The following FAP variants were observed in gnomAD, a reference collection of about 807,000 sequenced individuals.
FAP encodes fibroblast activation protein alpha.
In FAP, 110 loss-of-function variants were observed where a neutral mutation model predicts 126.5. The ratio of observed to expected loss-of-function variants is 0.87; its 90% CI spans 0.74 to 1.02. The LOEUF (loss-of-function observed/expected upper bound fraction) is 1.02, where lower values mean the gene tolerates loss of function less well. Among genes scored for constraint, FAP ranks in the 50% least tolerant of loss-of-function variants. The pLI, the probability that FAP is intolerant of heterozygous loss-of-function variation, is 0.00. For synonymous variants in FAP, 334 were observed against 297.3 expected, an observed-to-expected ratio of 1.12 and a Z score of -1.27; for missense variants, 919 against 909.2, an observed-to-expected ratio of 1.01 and a Z score of -0.14.
chr2:162,239,260 C>T (rs1251937722), intron 2 of FAP, among the ~76,000 whole-genome samples: 2 of 151,958 alleles, frequency 1.3e-5, no homozygotes, highest in East Asian at 1.9e-4. Flanking sequence ...TGGTCTCAAA[C>T]TCCTGGGCTC....
chr2:162,181,857 T>C (rs1687704991), intron 21 of FAP, among the ~76,000 whole-genome samples: 3 of 152,222 alleles, frequency 2.0e-5, no homozygotes, highest in African/African-American at 4.8e-5. Context: ...TTAATAAGCA[T>C]CTTAAACCTG....
At chr2:162,211,006 G>T (rs1016679864) in intron 11 of FAP, among the ~76,000 whole-genome samples, 2 of 152,170 alleles carry the variant, frequency 1.3e-5, no homozygotes, top group Non-Finnish European at 2.9e-5. Flanking sequence ...ATAATCAGCA[G>T]ACCATTTCCT....
At chr2:162,225,048 C>T (rs1453347155) in intron 4 of FAP, among the ~76,000 whole-genome samples, 2 of 152,196 alleles carry the variant, frequency 1.3e-5, no homozygotes, top group East Asian at 1.9e-4. Context: ...TTAGGCACTG[C>T]CCTAAGCACT....
In FAP at chr2:162,202,977, G is replaced by C. The variant is rs746273580; in HGVS notation, c.1153-35C>G. ...GACAAACATTATGTTGTGTGAAACT[G>C]AGCGTTATTTGAGCAACCTCAAGTG... On this transcript the variant is annotated intron_variant, in intron 13 of 25. Transcript: ENST00000188790. 2.5e-6 allele frequency: 4 copies of C among 1,604,114 alleles called. No individual in the cohort carries two copies. In the South Asian group the frequency reaches 4.4e-5, roughly 18 times the overall value.
chr2:162,201,899 G>A (rs1219505316), intron 14 of FAP, among the ~76,000 whole-genome samples: 35 of 152,166 alleles, frequency 2.3e-4, no homozygotes, highest in Non-Finnish European at 2.9e-5. Flanking sequence ...CATCATGCCT[G>A]AAATGAATCT....
intron 20 of FAP, 24 bp from the exon 21 acceptor site, chr2:162,183,492 T>A: frequency 3.4e-6 from 5 of 1,454,010 alleles, no homozygotes; most frequent in Non-Finnish European, 4.8e-6. Flanking sequence ...AACAAATTTT[T>A]AGAATGTTAA....
At chr2:162,192,576 C>G (rs889414300) in intron 17 of FAP, among the ~76,000 whole-genome samples, 2 of 152,104 alleles carry the variant, frequency 1.3e-5, no homozygotes, top group Non-Finnish European at 2.9e-5. Flanking sequence ...TCATCCACTT[C>G]CAAGGCCTGA....
chr2:162,240,265 A>T (rs998445750), intron 2 of FAP, among the ~76,000 whole-genome samples: 1 of 152,234 alleles, frequency 6.6e-6, no homozygotes, highest in African/African-American at 2.4e-5. Context: ...TTTTCCTTAT[A>T]GTTAATATTT....
At chr2:162,185,301 T>C (rs2106223563) in intron 20 of FAP, among the ~76,000 whole-genome samples, 2 of 152,330 alleles carry the variant, frequency 1.3e-5, no homozygotes, top group Admixed American at 1.3e-4. Flanking sequence ...TTAGAAATAT[T>C]CTTATTCATG....
chr2:162,215,172 C>CT (rs1689116246), intron 10 of FAP, among the ~76,000 whole-genome samples: 1 of 152,190 alleles, frequency 6.6e-6, no homozygotes, highest in Non-Finnish European at 1.5e-5. Flanking sequence ...TCATGGGGTT[C>CT]TTTTCCCTAT....
At chr2:162,184,535 A>C (rs1687799152) in intron 20 of FAP, among the ~76,000 whole-genome samples, 1 of 152,202 alleles carries the variant, frequency 6.6e-6, no homozygotes, top group African/African-American at 2.4e-5. Flanking sequence ...AAGTTGGGCA[A>C]ATGCCCGGGA....
chr2:162,190,295 C>T (rs1687993090), intron 17 of FAP, among the ~76,000 whole-genome samples: 1 of 151,896 alleles, frequency 6.6e-6, no homozygotes, highest in Non-Finnish European at 1.5e-5. Flanking sequence ...AAAGGATATT[C>T]TCCTGTTTTT....
intron 18 of FAP, 141 bp from the exon 19 acceptor site, chr2:162,189,313 T>C (rs868078845): frequency 8.1e-6 from 4 of 493,056 alleles, no homozygotes; most frequent in Middle Eastern, 5.2e-4. Context: ...TAAAAGTAAC[T>C]TTTATTAAAT....
chr2:162,192,476 A>G (rs1399417668), intron 17 of FAP, among the ~76,000 whole-genome samples: 1 of 151,196 alleles, frequency 6.6e-6, no homozygotes, highest in Non-Finnish European at 1.5e-5. Context: ...TTCTCCTTCC[A>G]TTTCTCAAGT....
chr2:162,227,818 T>C (rs897664027), intron 2 of FAP, among the ~76,000 whole-genome samples: 1 of 152,170 alleles, frequency 6.6e-6, no homozygotes, highest in Non-Finnish European at 1.5e-5. Flanking sequence ...ACTCTTTCTG[T>C]AGGGTGTCTA....
chr2:162,200,693 T>G, intron 14 of FAP, 74 bp from the exon 15 acceptor site: 1 of 666,738 alleles, frequency 1.5e-6, no homozygotes, highest in Non-Finnish European at 2.6e-6. Flanking sequence ...AATACTAATA[T>G]AGTATCAATA....
At position 162,171,054 on chromosome 2, in the gene FAP, T is replaced by G. The variant is rs946821154; in HGVS notation, c.2208A>C (p.Leu736Phe). ...AMWYSDQNHG[L>F]SGLSTNHLYT... ...ATAAGTGGTTCGTGGACAGGCCGGA[T>G]AAGCCGTGGTTCTGGTCAGAGTACC... is the stretch of plus-strand genomic sequence containing the variant. The change falls in exon 26 of 26, where the codon TTA (leucine) becomes TTC (phenylalanine). Residue 736 changes from leucine (L) to phenylalanine (F), a missense_variant. Transcript: ENST00000188790. 1.2e-6 allele frequency: 2 copies of G among 1,613,228 alleles called. No individual in the cohort carries two copies. The highest frequency in any genetic ancestry group is 1.7e-6 in the Non-Finnish European group (2 of 1,179,366).
At chr2:162,207,347 TG>T (rs1688744194) in intron 12 of FAP, among the ~76,000 whole-genome samples, 1 of 152,232 alleles carries the variant, frequency 6.6e-6, no homozygotes, top group Non-Finnish European at 1.5e-5. Flanking sequence ...ATTTCTCTTC[TG>T]GAATTTAGAA....
At chr2:162,225,664 A>C (rs1239010335) in intron 3 of FAP, 87 bp from the exon 4 acceptor site, 30 of 1,359,508 alleles carry the variant, frequency 2.2e-5, no homozygotes, top group Non-Finnish European at 2.8e-5. Context: ...TATTTCACAG[A>C]CCTACTTTGT....
Sources: allele counts gnomAD v4.1 joint callset (sites outside exome capture counted in the v4.1 genomes callset), GRCh38; gene constraint gnomAD v4.1.1; transcripts MANE v1.5; gene names NCBI Gene and HGNC (gene_info 2026-07-23, HGNC 2026-07-21).